Variants in SGCZ observed in about 807,000 individuals in gnomAD.
The protein encoded by SGCZ is sarcoglycan zeta.
In SGCZ, 40 loss-of-function variants were observed where a neutral mutation model predicts 41.3. The observed-to-expected ratio is 0.97, with a 90% confidence interval of 0.75 to 1.26. SGCZ has a LOEUF of 1.26. SGCZ is among the 50% of genes most tolerant of loss of function. The probability of loss-of-function intolerance (pLI) is 0.00; values close to 1 mark genes in which losing one functional copy is unlikely to be tolerated. For missense variants in SGCZ, 552 were observed against 369.8 expected, an observed-to-expected ratio of 1.49 and a Z score of -4.04; for synonymous variants, 206 against 137.5, an observed-to-expected ratio of 1.50 and a Z score of -3.49.
Position 14,443,463 on chromosome 8 carries a change from A to T in SGCZ, c.234+111269T>A, listed in dbSNP as rs1288775502. 5.3e-5 allele frequency among the ~76,000 whole-genome samples: 8 copies of T among 152,244 alleles called. No homozygotes were observed. The East Asian group carries it at 1.4e-3, about 26-fold the overall frequency. On this transcript the variant is annotated intron_variant, in intron 2 of 7. Coordinates refer to ENST00000382080, the MANE Select transcript of SGCZ (RefSeq NM_139167.4). ...GCATGGTACTGGTACCAAAACAGAG[A>T]TATAGATCAATGGAACAGAACAGAG...
intron 1 of SGCZ, among the ~76,000 whole-genome samples, chr8:14,579,622 TA>T (rs1804820823): frequency 6.6e-6 from 1 of 152,250 alleles, no homozygotes; most frequent in Non-Finnish European, 1.5e-5. Flanking sequence ...ATTACTTTTT[TA>T]CTACATTCAC....
At chr8:14,806,711 C>G (rs534552664) in intron 1 of SGCZ, among the ~76,000 whole-genome samples, 1 of 152,140 alleles carries the variant, frequency 6.6e-6, no homozygotes, top group Non-Finnish European at 1.5e-5. Context: ...AAAAGAGGGA[C>G]TCCTCCCTAA....
chr8:15,196,195 C>T (rs1055698107), intron 1 of SGCZ, among the ~76,000 whole-genome samples: 1 of 134,082 alleles, frequency 7.5e-6, no homozygotes, highest in Non-Finnish European at 1.7e-5. Flanking sequence ...CCGCGCCCGG[C>T]CAGGCTTCGA....
At chr8:14,570,969 T>C (rs532901270) in intron 1 of SGCZ, among the ~76,000 whole-genome samples, 3 of 152,342 alleles carry the variant, frequency 2.0e-5, no homozygotes, top group Admixed American at 2.0e-4. Context: ...ATGACTTTCA[T>C]ACTTTTCTCA....
intron 1 of SGCZ, among the ~76,000 whole-genome samples, chr8:14,943,110 G>A (rs555032431): frequency 9.2e-5 from 14 of 152,190 alleles, no homozygotes; most frequent in Non-Finnish European, 1.9e-4. Context: ...TACAAAAAGT[G>A]ATTCACAACA....
chr8:14,634,710 A>G (rs1806771680), intron 1 of SGCZ, among the ~76,000 whole-genome samples: 1 of 151,894 alleles, frequency 6.6e-6, no homozygotes. Context: ...ACTCTCAGAC[A>G]CATACGGAAA....
At chr8:14,682,248 G>T (rs1214146251) in intron 1 of SGCZ, among the ~76,000 whole-genome samples, 1 of 152,064 alleles carries the variant, frequency 6.6e-6, no homozygotes, top group Admixed American at 6.6e-5. Context: ...AGAGGCTAGG[G>T]TTGTACTATA....
intron 1 of SGCZ, among the ~76,000 whole-genome samples, chr8:14,601,578 T>C (rs1375459082): frequency 1.3e-5 from 2 of 152,302 alleles, no homozygotes; most frequent in East Asian, 3.9e-4. Flanking sequence ...CCTGTTCTAA[T>C]ACGTAGAGCA....
intron 3 of SGCZ, among the ~76,000 whole-genome samples, chr8:14,294,785 A>C (rs1439365547): frequency 2.0e-5 from 3 of 152,086 alleles, no homozygotes; most frequent in Non-Finnish European, 4.4e-5. Flanking sequence ...TATCATCTAA[A>C]ACATAGATGT....
intron 1 of SGCZ, among the ~76,000 whole-genome samples, chr8:14,826,543 C>G (rs1271066701): frequency 6.6e-6 from 1 of 152,100 alleles, no homozygotes; most frequent in African/African-American, 2.4e-5. Context: ...AGTTTACAGT[C>G]CCACCAACAG....
rs573927433 is a variant in SGCZ at position 14,291,384 on chromosome 8, A to T, written c.336+32719T>A. ...TTGACTTCATCAATACAGGATTTAT[A>T]CATGTAGTAGTGCATAAATATTTAT... On this transcript the variant is annotated intron_variant, in intron 3 of 7. Coordinates refer to ENST00000382080, the MANE Select transcript of SGCZ (RefSeq NM_139167.4). Among the ~76,000 whole-genome samples the T allele has an allele frequency of 8.5e-5, 13 of 152,230 alleles. No homozygotes were observed. In the East Asian group the frequency reaches 2.3e-3, roughly 27 times the overall value.
chr8:14,651,584 C>G (rs1326407306), intron 1 of SGCZ, among the ~76,000 whole-genome samples: 3 of 152,048 alleles, frequency 2.0e-5, no homozygotes, highest in African/African-American at 7.2e-5. Context: ...TACGCACACT[C>G]ACTCAGAATC....
At chr8:14,900,485 C>T (rs995426954) in intron 1 of SGCZ, among the ~76,000 whole-genome samples, 14 of 152,010 alleles carry the variant, frequency 9.2e-5, no homozygotes, top group Non-Finnish European at 1.9e-4. Flanking sequence ...AAATCAACTC[C>T]GACCCAGCAG....
intron 1 of SGCZ, among the ~76,000 whole-genome samples, chr8:14,591,906 G>A (rs1009805682): frequency 6.6e-6 from 1 of 152,044 alleles, no homozygotes; most frequent in Admixed American, 6.6e-5. Flanking sequence ...GATTACTACA[G>A]GGACTTCATT....
intron 2 of SGCZ, among the ~76,000 whole-genome samples, chr8:14,408,531 C>T (rs1237740279): frequency 6.6e-6 from 1 of 152,128 alleles, no homozygotes; most frequent in Non-Finnish European, 1.5e-5. Context: ...CTTCTGGTTC[C>T]CACACTTCCA....
chr8:14,762,158 C>G (rs189659257), intron 1 of SGCZ, among the ~76,000 whole-genome samples: 1 of 152,214 alleles, frequency 6.6e-6, no homozygotes, highest in Admixed American at 6.5e-5. Flanking sequence ...AACATTTATA[C>G]ATACTGAATA....
intron 1 of SGCZ, among the ~76,000 whole-genome samples, chr8:15,232,827 A>T (rs1445094156): frequency 6.7e-6 from 1 of 149,788 alleles, no homozygotes; most frequent in Non-Finnish European, 1.5e-5. Context: ...ATTTCAAAAT[A>T]GCTAATAGGG....
At chr8:14,997,981 A>T (rs1027730209) in intron 1 of SGCZ, among the ~76,000 whole-genome samples, 1 of 152,096 alleles carries the variant, frequency 6.6e-6, no homozygotes, top group African/African-American at 2.4e-5. Flanking sequence ...AAAAAATCCT[A>T]GTCATGTCAT....
chr8:14,196,355 C>T (rs1350022237), intron 4 of SGCZ, among the ~76,000 whole-genome samples: 1 of 151,524 alleles, frequency 6.6e-6, no homozygotes, highest in Non-Finnish European at 1.5e-5. Context: ...CTTCCGCCTC[C>T]TGGGTTCAAG....
Sources: allele counts gnomAD v4.1 joint callset (sites outside exome capture counted in the v4.1 genomes callset), GRCh38; gene constraint gnomAD v4.1.1; transcripts MANE v1.5; gene names NCBI Gene and HGNC (gene_info 2026-07-23, HGNC 2026-07-21).